PEDS1: variants seen among roughly 807,000 people sequenced by gnomAD.
PEDS1 encodes plasmanylethanolamine desaturase 1, also known as CarF homolog.
A neutral mutation model predicts 35.2 loss-of-function variants in PEDS1; 14 were observed. The ratio of observed to expected loss-of-function variants is 0.40; its 90% CI spans 0.26 to 0.62. PEDS1 has a LOEUF of 0.62. PEDS1 is among the 20% of genes least tolerant of loss of function. The pLI is 0.44. For synonymous variants in PEDS1, 152 were observed against 152.0 expected, an observed-to-expected ratio of 1.00 and a Z score of 0.00; for missense variants, 260 against 367.8, an observed-to-expected ratio of 0.71 and a Z score of 2.40.
chr20:50,140,641 CAG>C (rs1029098558), intron 2 of PEDS1, among the ~76,000 whole-genome samples: 18 of 152,240 alleles, frequency 1.2e-4, no homozygotes, highest in African/African-American at 4.1e-4. Flanking sequence ...GTCATCTTTT[CAG>C]AGAGGCCTTT....
chr20:50,133,808 A>C (rs2081204481), intron 2 of PEDS1, among the ~76,000 whole-genome samples: 1 of 152,112 alleles, frequency 6.6e-6, no homozygotes, highest in African/African-American at 2.4e-5. Context: ...AGATGGCCTC[A>C]TTTGTCATCC....
At chr20:50,141,419 G>A (rs1181133658) in intron 2 of PEDS1, among the ~76,000 whole-genome samples, 1 of 152,232 alleles carries the variant, frequency 6.6e-6, no homozygotes, top group Non-Finnish European at 1.5e-5. Context: ...CAGTGGTCTG[G>A]CAGGTGCTGT....
chr20:50,133,840 C>T (rs1041761580), intron 2 of PEDS1, among the ~76,000 whole-genome samples: 2 of 152,198 alleles, frequency 1.3e-5, no homozygotes, highest in Non-Finnish European at 1.5e-5. Flanking sequence ...AAGAAAGAGG[C>T]CTGGAGAAGT....
chr20:50,148,358 A>G (rs1410533328), intron 1 of PEDS1, among the ~76,000 whole-genome samples: 1 of 152,178 alleles, frequency 6.6e-6, no homozygotes, highest in East Asian at 1.9e-4. Flanking sequence ...ACAGATGAGC[A>G]GACTGAGGTG....
chr20:50,148,922 G>A (rs2081373230), intron 1 of PEDS1, among the ~76,000 whole-genome samples: 1 of 152,028 alleles, frequency 6.6e-6, no homozygotes, highest in Non-Finnish European at 1.5e-5. Flanking sequence ...ACCAGCCTGG[G>A]CAACATAACT....
At position 50,143,521 on chromosome 20, in the gene PEDS1, G is replaced by C; in HGVS notation, c.222C>G (p.Pro74=). Reference sequence around the variant, plus strand: ...ACTCACCAACACCGAGTATGACGAGGGGTGTGTCCTCCCAGCGGGCCAGCA... The same window carrying C: ...ACTCACCAACACCGAGTATGACGAGCGGTGTGTCCTCCCAGCGGGCCAGCA... ...LLLLARWEDT[P]LVILGVVAGA... The change falls in exon 2 of 6, where the codon CCC becomes CCG. Residue 74 remains proline (P), a synonymous_variant. Transcript: ENST00000371652. 1.2e-6 allele frequency: 2 copies of C among 1,610,650 alleles called. No individual in the cohort carries two copies.
Position 50,121,467 on chromosome 20 carries a change from A to C in PEDS1, c.*3591T>G, listed in dbSNP as rs567982291. ...TCTGCAAATGGTGCAAAGAGTACTC[A>C]CTTCTCAGAGCTGCAGGGACTGCTT... On this transcript the variant is annotated 3_prime_UTR_variant, in exon 6 of 6. Coordinates refer to ENST00000371652, the MANE Select transcript of PEDS1 (RefSeq NM_199129.4). 2 of 152,396 alleles carry C rather than the reference A, an allele frequency of 1.3e-5. No individual in the cohort carries two copies. The highest frequency in any genetic ancestry group is 2.4e-5 in the African/African-American group (1 of 41,532). 9.4% of individuals were successfully genotyped at this position (152,396 alleles called of 1,614,324 possible). A position where few individuals can be genotyped will look rare whatever the true frequency, so the allele number is the denominator to read the frequency against.
intron 5 of PEDS1, among the ~76,000 whole-genome samples, chr20:50,127,240 T>C (rs1601206603): frequency 6.6e-6 from 1 of 151,856 alleles, no homozygotes; most frequent in African/African-American, 2.4e-5. Context: ...TTTTCCTCCA[T>C]AGCAGTTAGC....
chr20:50,142,599 C>T (rs1264240823), intron 2 of PEDS1, among the ~76,000 whole-genome samples: 3 of 149,300 alleles, frequency 2.0e-5, no homozygotes, highest in African/African-American at 7.4e-5. Flanking sequence ...CCACCACGGC[C>T]GGCTAATTTT....
chr20:50,148,921 G>T (rs2081373166), intron 1 of PEDS1, among the ~76,000 whole-genome samples: 1 of 151,952 alleles, frequency 6.6e-6, no homozygotes, highest in Non-Finnish European at 1.5e-5. Flanking sequence ...GACCAGCCTG[G>T]GCAACATAAC....
At chr20:50,139,679 C>CTT (rs11479032) in intron 2 of PEDS1, among the ~76,000 whole-genome samples, 26 of 137,306 alleles carry the variant, frequency 1.9e-4, no homozygotes, top group East Asian at 4.2e-4. Flanking sequence ...GGATTTCTTT[C>CTT]TTTTTTTTTT....
intron 3 of PEDS1, 67 bp downstream of exon 3, chr20:50,130,788 AG>A: frequency 6.3e-7 from 1 of 1,581,510 alleles, no homozygotes; most frequent in Admixed American, 1.7e-5. Flanking sequence ...TAGAGAAGAA[AG>A]GGGACTCACT....
At chr20:50,146,982 G>A (rs545680383) in intron 1 of PEDS1, among the ~76,000 whole-genome samples, 3 of 152,260 alleles carry the variant, frequency 2.0e-5, no homozygotes, top group Non-Finnish European at 4.4e-5. Flanking sequence ...AGAAAACCCC[G>A]AGTGGGTGGG....
At chr20:50,125,544 TTATCTATCTATCTATCTATC>T (rs57011944) in intron 5 of PEDS1, among the ~76,000 whole-genome samples, 134 of 147,492 alleles carry the variant, frequency 9.1e-4, no homozygotes, top group Admixed American at 1.8e-3. Flanking sequence ...ACATTACCCT[TTATCTATCTATCTATCTATC>T]TATCTATCTA....
chr20:50,148,338 G>T (rs1446265458), intron 1 of PEDS1, among the ~76,000 whole-genome samples: 1 of 152,166 alleles, frequency 6.6e-6, no homozygotes, highest in Non-Finnish European at 1.5e-5. Context: ...GGCCTAAACT[G>T]TATCACTTAA....
intron 5 of PEDS1, among the ~76,000 whole-genome samples, chr20:50,125,407 G>A (rs1412080820): frequency 6.6e-6 from 1 of 152,110 alleles, no homozygotes. Context: ...TATATACCAG[G>A]CACTTACTTA....
intron 1 of PEDS1, among the ~76,000 whole-genome samples, chr20:50,146,592 C>T (rs532676196): frequency 1.3e-5 from 2 of 152,274 alleles, no homozygotes; most frequent in Admixed American, 1.3e-4. Context: ...AAGGCCTTCT[C>T]CAGGTCACAC....
rs2081043726 is a variant in PEDS1 at position 50,120,634 on chromosome 20, A to G, written c.*4424T>C. On this transcript the variant is annotated 3_prime_UTR_variant, in exon 6 of 6. Coordinates refer to ENST00000371652, the MANE Select transcript of PEDS1 (RefSeq NM_199129.4). The stretch of plus-strand genomic sequence containing the variant: ...CCGATCGCTTGAGCTCAGGCGTTCG[A>G]GACCAGCCTGGGCAACATGGTGAAA... The G allele has an allele frequency of 6.6e-6, 1 of 152,130 alleles. No individual in the cohort carries two copies. Among genetic ancestry groups the G allele is most frequent in the Non-Finnish European group, 1.5e-5 (1 of 68,094 alleles). 9.4% of individuals were successfully genotyped at this position (152,130 alleles called of 1,614,324 possible). A position where few individuals can be genotyped will look rare whatever the true frequency, so the allele number is the denominator to read the frequency against.
Position 50,129,513 on chromosome 20 carries a change from C to T in PEDS1, c.478+33G>A, listed in dbSNP as rs1446282335. 2 of 1,613,138 alleles carry T rather than the reference C, an allele frequency of 1.2e-6. No homozygotes were observed. The highest frequency in any genetic ancestry group is 2.2e-5 in the South Asian group (2 of 91,020). On this transcript the variant is annotated intron_variant, in intron 4 of 5. Transcript: ENST00000371652. The surrounding 1 kb of genome is among the most constrained non-coding windows in gnomAD (Gnocchi z 4.2). ...GGGGTCGGCCTCTGCCCCCAAGGCCCCCTCCCAGCCCACCACTAGCTGGGT... is the reference window on the plus strand; with the variant it reads ...GGGGTCGGCCTCTGCCCCCAAGGCCTCCTCCCAGCCCACCACTAGCTGGGT...
Sources: gnomAD v4.1 joint callset for allele counts (sites outside exome capture counted in the v4.1 genomes callset) on GRCh38, gnomAD v4.1.1 for gene constraint, Gnocchi (gnomAD v3.1) non-coding constraint, MANE v1.5 for transcripts, NCBI Gene and HGNC (gene_info 2026-07-23, HGNC 2026-07-21) for gene names.